MAP3K20: variants seen among roughly 807,000 people sequenced by gnomAD.
MAP3K20 encodes the protein HCCS-4.
A neutral mutation model predicts 85.7 loss-of-function variants in MAP3K20; 40 were observed. The ratio of observed to expected loss-of-function variants is 0.47; its 90% CI spans 0.36 to 0.61. The LOEUF (loss-of-function observed/expected upper bound fraction) is 0.61, where lower values mean the gene tolerates loss of function less well. Among genes scored for constraint, MAP3K20 ranks in the 20% least tolerant of loss-of-function variants. MAP3K20 has a pLI of 0.00. For synonymous variants in MAP3K20, 325 were observed against 327.7 expected (o/e 0.99, Z 0.09); for missense variants, 817 against 961.7 (o/e 0.85, Z 1.99).
intron 2 of MAP3K20, among the ~76,000 whole-genome samples, chr2:173,145,356 C>T (rs545321746): frequency 6.6e-6 from 1 of 152,194 alleles, no homozygotes; most frequent in East Asian, 1.9e-4. Flanking sequence ...ACTGGGAGAG[C>T]ATGTTTATAA....
At chr2:173,107,095 G>A (rs1687803347) in intron 2 of MAP3K20, among the ~76,000 whole-genome samples, 1 of 152,086 alleles carries the variant, frequency 6.6e-6, no homozygotes, top group Non-Finnish European at 1.5e-5. Flanking sequence ...TAAGAAACAG[G>A]GGAGTGAACT....
chr2:173,162,578 C>T (rs1303183713), intron 2 of MAP3K20, among the ~76,000 whole-genome samples: 9 of 151,276 alleles, frequency 5.9e-5, no homozygotes, highest in African/African-American at 2.2e-4. Flanking sequence ...CCCAGCTACT[C>T]AGGAGGCTGA....
intron 2 of MAP3K20, 98 bp downstream of exon 2, chr2:173,091,288 C>A: frequency 7.6e-7 from 1 of 1,311,058 alleles, no homozygotes; most frequent in Non-Finnish European, 1.0e-6. Flanking sequence ...AGAGACCTAG[C>A]AAGGCCTTTG....
intron 2 of MAP3K20, among the ~76,000 whole-genome samples, chr2:173,109,768 A>C (rs1330654225): frequency 6.6e-6 from 1 of 152,188 alleles, no homozygotes; most frequent in Non-Finnish European, 1.5e-5. Flanking sequence ...TCTACAAACA[A>C]AAAGTCTTCC....
rs35481842 is a variant in MAP3K20 at position 173,266,800 on chromosome 2, A to AAAG, written c.*50_*51insAAG. The AAAG allele has an allele frequency of 3.0e-6, 4 of 1,348,040 alleles. No homozygotes were observed. The highest frequency in any genetic ancestry group is 3.9e-6 in the Non-Finnish European group (4 of 1,024,628). 83.5% of individuals were successfully genotyped at this position (1,348,040 alleles called of 1,614,324 possible). ...AAGCAGGTTAAAAAAAAAAAAAAAA[A>AAAG]GAAATGTAATGGTTTTTGATAATAT... On this transcript the variant is annotated 3_prime_UTR_variant, in exon 20 of 20. Coordinates refer to ENST00000375213, the MANE Select transcript of MAP3K20 (RefSeq NM_016653.3).
chr2:173,226,397 CATAT>C, intron 11 of MAP3K20: 1 of 985,378 alleles, frequency 1.0e-6, no homozygotes, highest in Non-Finnish European at 1.2e-6. Context: ...CATCATACCA[CATAT>C]ATAACAGAGC....
At chr2:173,197,830 T>C in intron 7 of MAP3K20, 196 bp from the exon 8 acceptor site, 1 of 287,346 alleles carries the variant, frequency 3.5e-6, no homozygotes, top group South Asian at 7.6e-5. Flanking sequence ...CCAGGTTTTT[T>C]CTTTATAAAA....
rs146417348 is a variant in MAP3K20, at chr2:173,084,285, C to T, written c.-34-6713C>T. The stretch of plus-strand genomic sequence containing the variant: ...TCAGGTTAAGTTTTCTTGGGTTAGA[C>T]GTGCAATTGACTGTGCAGCAGATAA... On this transcript the variant is annotated intron_variant, in intron 1 of 19. Coordinates refer to ENST00000375213, the MANE Select transcript of MAP3K20 (RefSeq NM_016653.3). Among the ~76,000 whole-genome samples, 527 of 152,064 alleles carry T rather than the reference C, an allele frequency of 3.5e-3. 5 individuals are homozygous for T. Among genetic ancestry groups the T allele is most frequent in the African/African-American group, 0.012 (480 of 41,462 alleles).
chr2:173,162,306 G>A (rs1275863500), intron 2 of MAP3K20, among the ~76,000 whole-genome samples: 1 of 152,164 alleles, frequency 6.6e-6, no homozygotes. Context: ...AGAGTGCAGT[G>A]AAGAGATGGC....
At chr2:173,242,411 C>T (rs1378587424) in intron 16 of MAP3K20, among the ~76,000 whole-genome samples, 11 of 151,876 alleles carry the variant, frequency 7.2e-5, no homozygotes, top group East Asian at 1.9e-4. Context: ...TCAGGTGATC[C>T]GCCCACCTCG....
intron 11 of MAP3K20, chr2:173,224,158 A>T: frequency 1.2e-6 from 1 of 862,886 alleles, no homozygotes; most frequent in Non-Finnish European, 1.4e-6. Context: ...GGGAAGGAGG[A>T]CAAGGCCCAT....
At chr2:173,162,687 CAAA>C (rs10708654) in intron 2 of MAP3K20, among the ~76,000 whole-genome samples, 29 of 108,662 alleles carry the variant, frequency 2.7e-4, no homozygotes, top group South Asian at 3.1e-4. Context: ...ACTCCGTCTC[CAAA>C]AAAAAAAAAA....
At chr2:173,137,550 A>G (rs1688831434) in intron 2 of MAP3K20, among the ~76,000 whole-genome samples, 1 of 152,184 alleles carries the variant, frequency 6.6e-6, no homozygotes, top group South Asian at 2.1e-4. Context: ...ATGTAATTAC[A>G]TATGAGTAAG....
At chr2:173,108,562 T>G (rs1283078095) in intron 2 of MAP3K20, among the ~76,000 whole-genome samples, 2 of 152,184 alleles carry the variant, frequency 1.3e-5, no homozygotes, top group Admixed American at 6.5e-5. Context: ...ATAGAATAAT[T>G]TGGAGGTATT....
At chr2:173,128,504 G>A (rs1453789098) in intron 2 of MAP3K20, among the ~76,000 whole-genome samples, 2 of 151,812 alleles carry the variant, frequency 1.3e-5, no homozygotes, top group Non-Finnish European at 2.9e-5. Context: ...GCTAATTTTT[G>A]TATTTTTAGT....
At chr2:173,126,209 A>G (rs1299645713) in intron 2 of MAP3K20, among the ~76,000 whole-genome samples, 1 of 152,182 alleles carries the variant, frequency 6.6e-6, no homozygotes, top group Non-Finnish European at 1.5e-5. Context: ...TATAGGATTT[A>G]TATAAATTAG....
chr2:173,146,364 G>A (rs1417195846), intron 2 of MAP3K20, among the ~76,000 whole-genome samples: 2 of 151,886 alleles, frequency 1.3e-5, no homozygotes, highest in African/African-American at 4.8e-5. Flanking sequence ...CAGTGTACAT[G>A]CACACTATTT....
intron 1 of MAP3K20, 156 bp from the exon 2 acceptor site, chr2:173,090,842 C>T (rs538586095): frequency 1.5e-5 from 20 of 1,295,730 alleles, no homozygotes; most frequent in Admixed American, 7.4e-5. Context: ...TGAGTGTTTT[C>T]GAATTGTTTA....
intron 2 of MAP3K20, among the ~76,000 whole-genome samples, chr2:173,101,850 A>C (rs1446745102): frequency 1.3e-5 from 2 of 152,310 alleles, no homozygotes; most frequent in South Asian, 4.1e-4. Context: ...AATAGAGGCC[A>C]TGTTATCAAT....
Sources: allele counts gnomAD v4.1 joint callset (sites outside exome capture counted in the v4.1 genomes callset), GRCh38; gene constraint gnomAD v4.1.1; transcripts MANE v1.5; gene names NCBI Gene and HGNC (gene_info 2026-07-23, HGNC 2026-07-21).